Variants in TRNT1 observed in about 807,000 individuals in gnomAD.
The protein encoded by TRNT1 is CCA tRNA nucleotidyltransferase 1, mitochondrial.
Under a neutral mutation model 45.6 loss-of-function variants are expected in TRNT1, and 44 were observed. The observed-to-expected ratio is 0.97, with a 90% CI of 0.76 to 1.24. The LOEUF (loss-of-function observed/expected upper bound fraction) is 1.24. Ranked by LOEUF, TRNT1 falls within the 50% of genes most tolerant of loss-of-function variation. The pLI is 0.00. For missense variants in TRNT1, 633 were observed against 504.4 expected (o/e 1.25, Z -2.44); for synonymous variants, 201 against 171.4 (o/e 1.17, Z -1.35).
downstream of TRNT1, chr3:3,153,225 A>AT: frequency 1.9e-6 from 1 of 536,494 alleles, no homozygotes; most frequent in Non-Finnish European, 3.4e-6. Context: ...TTACCTGTGA[A>AT]TAATCCCTGA....
rs909008745 is a variant in TRNT1 at position 3,139,820 on chromosome 3, G to A, written c.343-690G>A. Among the ~76,000 whole-genome samples, 10 of 152,022 alleles carry A rather than the reference G, an allele frequency of 6.6e-5. 1 individual carries two copies. In the South Asian group the frequency reaches 1.7e-3, roughly 25 times the overall value. On this transcript the variant is annotated intron_variant, in intron 3 of 7. Coordinates refer to ENST00000251607, the MANE Select transcript of TRNT1 (RefSeq NM_182916.3). ...CGACTCACTGCAGCCTCTGCCTCCCGGGGTCTAGCGATCCTCCCACCTCAG... is the reference window on the plus strand; with the variant it reads ...CGACTCACTGCAGCCTCTGCCTCCCAGGGTCTAGCGATCCTCCCACCTCAG...
Position 3,137,716 on chromosome 3 carries a change from A to G in TRNT1, c.342+263A>G, listed in dbSNP as rs4685607. The stretch of plus-strand genomic sequence containing the variant: ...CAGTTTTAAGATGTGTTACGTATTG[A>G]CTTTCCATAAGGGAAGATGATTTAG... On this transcript the variant is annotated intron_variant, in intron 3 of 7. Coordinates refer to ENST00000251607, the MANE Select transcript of TRNT1 (RefSeq NM_182916.3). Among the ~76,000 whole-genome samples, 19,058 of 150,292 alleles carry G rather than the reference A, an allele frequency of 0.13. 1,389 individuals carry two copies. Among genetic ancestry groups the G allele is most frequent in the Admixed American group, 0.17 (2,535 of 15,164 alleles).
At chr3:3,131,422 T>C (rs1442332703) in intron 2 of TRNT1, 1 of 152,222 alleles carries the variant, frequency 6.6e-6, no homozygotes, top group Non-Finnish European at 1.5e-5. Context: ...TATAGTTTCT[T>C]GAACATCATT....
At chr3:3,138,473 T>G (rs1179949126) in intron 3 of TRNT1, among the ~76,000 whole-genome samples, 1 of 152,242 alleles carries the variant, frequency 6.6e-6, no homozygotes, top group Non-Finnish European at 1.5e-5. Context: ...TGATATAACT[T>G]GTTTTGGATT....
In TRNT1 at chr3:3,148,624, T is replaced by TAA. The variant is rs1559233354; in HGVS notation, c.*471_*472dup. 6.5e-6 allele frequency: 1 copy of TAA among 152,890 alleles called. No individual in the cohort carries two copies. The highest frequency in any genetic ancestry group is 2.4e-5 in the African/African-American group (1 of 41,464). 9.5% of individuals were successfully genotyped at this position (152,890 alleles called of 1,614,324 possible). On this transcript the variant is annotated 3_prime_UTR_variant, in exon 8 of 8. Coordinates refer to ENST00000251607, the MANE Select transcript of TRNT1 (RefSeq NM_182916.3). The stretch of plus-strand genomic sequence containing the variant: ...CTTAAAAAAGAAATAATTGACCAAG[T>TAA]AAGTTTGCATAAAATGTGAATACTA...
intron 3 of TRNT1, among the ~76,000 whole-genome samples, chr3:3,140,122 G>A (rs1008608955): frequency 6.6e-6 from 1 of 152,168 alleles, no homozygotes; most frequent in African/African-American, 2.4e-5. Context: ...AATGGCAAAT[G>A]TTCCATAAAT....
At chr3:3,128,598 C>CACAAAAA (rs1704760704) in intron 1 of TRNT1, among the ~76,000 whole-genome samples, 1 of 96,108 alleles carries the variant, frequency 1.0e-5, no homozygotes, top group Non-Finnish European at 1.8e-5. Flanking sequence ...GACTCCATCT[C>CACAAAAA]AAAAAAAAAA....
intron 4 of TRNT1, among the ~76,000 whole-genome samples, chr3:3,143,088 C>A (rs1705757917): frequency 6.6e-6 from 1 of 152,192 alleles, no homozygotes; most frequent in African/African-American, 2.4e-5. Context: ...GTCAGTGCCT[C>A]TTTTCTGTAA....
chr3:3,134,856 T>A (rs1705229574), intron 2 of TRNT1, among the ~76,000 whole-genome samples: 1 of 152,090 alleles, frequency 6.6e-6, no homozygotes. Flanking sequence ...TTGGTATGTA[T>A]AAAGATATGC....
chr3:3,151,180 C>T (rs549711438), downstream of TRNT1: 10 of 909,252 alleles, frequency 1.1e-5, no homozygotes, highest in African/African-American at 1.7e-5. Flanking sequence ...TTGATCCATA[C>T]AGTTCCCTGA....
chr3:3,144,002 T>A (rs554700526), intron 4 of TRNT1, among the ~76,000 whole-genome samples: 13 of 152,386 alleles, frequency 8.5e-5, no homozygotes, highest in African/African-American at 2.4e-4. Context: ...TAGCCATTTT[T>A]AAAATATGGA....
intron 1 of TRNT1, chr3:3,127,847 G>GACCAAACC (rs1199341602): frequency 6.6e-6 from 1 of 152,094 alleles, no homozygotes; most frequent in Admixed American, 6.6e-5. Context: ...AATGCTCCCC[G>GACCAAACC]ACCAAACCAC....
At chr3:3,130,507 G>T (rs1704950688) in intron 2 of TRNT1, 2 of 153,114 alleles carry the variant, frequency 1.3e-5, no homozygotes, top group African/African-American at 4.8e-5. Context: ...TTTAAGTAGA[G>T]GGCTTAAATG....
intron 2 of TRNT1, among the ~76,000 whole-genome samples, chr3:3,133,436 G>C (rs1377448896): frequency 1.3e-5 from 2 of 151,984 alleles, no homozygotes; most frequent in Non-Finnish European, 2.9e-5. Context: ...ATGCACACCT[G>C]TAGTCCCAGC....
chr3:3,150,716 A>T, downstream of TRNT1: 3 of 754,444 alleles, frequency 4.0e-6, no homozygotes, highest in Non-Finnish European at 6.3e-6. Flanking sequence ...ATACAGTTTC[A>T]CTTAGAAACT....
At position 3,140,663 on chromosome 3, in the gene TRNT1, T is replaced by C. The variant is rs1480198722; in HGVS notation, c.481+15T>C. 1.9e-6 allele frequency: 3 copies of C among 1,612,822 alleles called. No homozygotes were observed. The highest frequency in any genetic ancestry group is 2.5e-6 in the Non-Finnish European group (3 of 1,179,408). ...TATGTTTTTAGGTAATATTTGCAGA[T>C]AAAACCATATTGTGAGTCTATCAGA... On this transcript the variant is annotated intron_variant, in intron 4 of 7. Transcript: ENST00000251607.
At chr3:3,139,315 A>C (rs554577420) in intron 3 of TRNT1, among the ~76,000 whole-genome samples, 1 of 152,192 alleles carries the variant, frequency 6.6e-6, no homozygotes, top group Non-Finnish European at 1.5e-5. Context: ...TTGTGCCTCA[A>C]ATTCTTGAGT....
In TRNT1 at chr3:3,144,636, T is replaced by G; in HGVS notation, c.534T>G (p.Asn178Lys). ...DYFNGYEDLK[N>K]KKVRFVGHAK... ...TTAATGGTTATGAAGATTTAAAAAA[T>G]AAGAAAGTTAGATTTGTTGGACATG... The change falls in exon 5 of 8, where the codon AAT becomes AAG. Residue 178 changes from asparagine (N) to lysine (K), a missense_variant. Transcript: ENST00000251607. 2 of 1,586,166 alleles carry G rather than the reference T, an allele frequency of 1.3e-6. No homozygotes were observed. Among genetic ancestry groups the G allele is most frequent in the South Asian group, 2.2e-5 (2 of 89,266 alleles).
intron 2 of TRNT1, chr3:3,136,844 GTCTTGC>G: frequency 3.2e-6 from 1 of 316,636 alleles, no homozygotes; most frequent in South Asian, 2.5e-5. Flanking sequence ...TATAGATAGA[GTCTTGC>G]TCTTTGCCCA....
Sources: allele counts gnomAD v4.1 joint callset (sites outside exome capture counted in the v4.1 genomes callset), GRCh38; gene constraint gnomAD v4.1.1; transcripts MANE v1.5; gene names NCBI Gene and HGNC (gene_info 2026-07-23, HGNC 2026-07-21).